The following LRRC4C variants were observed in gnomAD, a reference collection of about 807,000 sequenced individuals.
The protein encoded by LRRC4C is leucine-rich repeat-containing protein 4C.
LRRC4C carries 5 observed loss-of-function variants against 33.6 expected under a neutral mutation model. That is an observed-to-expected ratio of 0.15 (90% CI 0.08 to 0.31). The LOEUF is 0.31. Among genes scored for constraint, LRRC4C ranks in the 10% least tolerant of loss-of-function variants. The pLI, the probability that LRRC4C is intolerant of heterozygous loss-of-function variation, is 1.00. For synonymous variants in LRRC4C, 329 were observed against 302.0 expected (o/e 1.09, Z -0.93); for missense variants, 560 against 796.7 (o/e 0.70, Z 3.58).
At position 40,381,506 on chromosome 11, in the gene LRRC4C, A is replaced by C. The variant is rs116061727; in HGVS notation, c.-269-61785T>G. Among the ~76,000 whole-genome samples, 1,122 of 152,328 alleles carry C rather than the reference A, an allele frequency of 7.4e-3. 13 individuals are homozygous for C. Among genetic ancestry groups the C allele is most frequent in the African/African-American group, 0.026 (1,061 of 41,582 alleles). On this transcript the variant is annotated intron_variant, in intron 3 of 6. Coordinates refer to ENST00000528697, the MANE Select transcript of LRRC4C (RefSeq NM_001258419.2). ...CAAGTACATACTGTCTCTGGTGTTG[A>C]AAATTGGCTGGACAATTTTATGTCC...
At chr11:40,261,470 G>A (rs1941823088) in intron 4 of LRRC4C, among the ~76,000 whole-genome samples, 1 of 152,114 alleles carries the variant, frequency 6.6e-6, no homozygotes, top group African/African-American at 2.4e-5. Flanking sequence ...TTCTTCAGTG[G>A]AGTAGCAAAT....
chr11:41,299,272 G>A (rs763973098), intron 1 of LRRC4C, among the ~76,000 whole-genome samples: 4 of 152,008 alleles, frequency 2.6e-5, no homozygotes, highest in Non-Finnish European at 5.9e-5. Context: ...AGTTATAGCC[G>A]CCAACAGATT....
chr11:40,952,896 A>ACACTCTCT (rs1156767689), intron 1 of LRRC4C, among the ~76,000 whole-genome samples: 3 of 70,162 alleles, frequency 4.3e-5, no homozygotes, highest in African/African-American at 1.5e-4. Context: ...ACACACACAC[A>ACACTCTCT]CTCTCTCTCT....
chr11:40,858,016 A>AAGGGAAGGGAAG, intron 2 of LRRC4C, among the ~76,000 whole-genome samples: 1 of 139,226 alleles, frequency 7.2e-6, no homozygotes, highest in South Asian at 2.5e-4. Context: ...GGACAAGGAA[A>AAGGGAAGGGAAG]GGAAGGGAAG....
intron 1 of LRRC4C, among the ~76,000 whole-genome samples, chr11:41,208,312 C>G (rs1329147265): frequency 6.6e-6 from 1 of 152,132 alleles, no homozygotes; most frequent in Non-Finnish European, 1.5e-5. Context: ...GCTTAGTTTT[C>G]TTTTACTGCT....
intron 3 of LRRC4C, among the ~76,000 whole-genome samples, chr11:40,494,874 T>C (rs1425051805): frequency 6.6e-6 from 1 of 152,230 alleles, no homozygotes; most frequent in Non-Finnish European, 1.5e-5. Context: ...GCAATCAGAC[T>C]GTTTGAATCC....
chr11:41,413,060 C>G (rs12279837), intron 1 of LRRC4C, among the ~76,000 whole-genome samples: 1 of 143,516 alleles, frequency 7.0e-6, no homozygotes, highest in Admixed American at 6.9e-5. Context: ...TCTTTTTTTT[C>G]TTTTTTACTT....
chr11:40,332,241 G>T (rs1448974474), intron 3 of LRRC4C, among the ~76,000 whole-genome samples: 1 of 152,104 alleles, frequency 6.6e-6, no homozygotes, highest in Non-Finnish European at 1.5e-5. Context: ...CTCTCTGAAG[G>T]CTCTATGGCT....
At chr11:40,602,034 C>CAA (rs5791388) in intron 3 of LRRC4C, among the ~76,000 whole-genome samples, 3,047 of 148,676 alleles carry the variant, frequency 0.02, 48 homozygotes, top group South Asian at 0.038. Context: ...ACTAAAAATA[C>CAA]AAAAAAAAAA....
intron 1 of LRRC4C, among the ~76,000 whole-genome samples, chr11:41,050,195 T>C (rs1858099795): frequency 6.6e-6 from 1 of 152,186 alleles, no homozygotes; most frequent in Non-Finnish European, 1.5e-5. Flanking sequence ...TTAATAGTTC[T>C]GTGGCCATGA....
At chr11:40,484,417 T>C (rs1953748967) in intron 3 of LRRC4C, among the ~76,000 whole-genome samples, 1 of 152,014 alleles carries the variant, frequency 6.6e-6, no homozygotes, top group Non-Finnish European at 1.5e-5. Context: ...TACTGCTTTG[T>C]AGTGATCTCC....
intron 2 of LRRC4C, among the ~76,000 whole-genome samples, chr11:40,918,320 C>G (rs1019851584): frequency 6.6e-6 from 1 of 151,956 alleles, no homozygotes; most frequent in East Asian, 1.9e-4. Context: ...TGTGTGTGCA[C>G]CTTTGTGCAT....
chr11:41,301,546 A>G (rs1401126478), intron 1 of LRRC4C, among the ~76,000 whole-genome samples: 1 of 152,202 alleles, frequency 6.6e-6, no homozygotes, highest in Non-Finnish European at 1.5e-5. Context: ...TAATATAACA[A>G]TGGTCTATGC....
At chr11:40,190,118 C>T (rs1861715292) in intron 5 of LRRC4C, among the ~76,000 whole-genome samples, 1 of 152,056 alleles carries the variant, frequency 6.6e-6, no homozygotes. Flanking sequence ...GCTATAAAAC[C>T]CCATGAGGAT....
intron 1 of LRRC4C, among the ~76,000 whole-genome samples, chr11:40,957,906 C>T (rs1056922509): frequency 6.6e-6 from 1 of 151,630 alleles, no homozygotes; most frequent in Non-Finnish European, 1.5e-5. Flanking sequence ...TTGTGAACCT[C>T]CCCCCTTTCC....
intron 2 of LRRC4C, among the ~76,000 whole-genome samples, chr11:40,895,919 C>T (rs1036361122): frequency 2.6e-5 from 4 of 152,038 alleles, no homozygotes; most frequent in South Asian, 4.1e-4. Flanking sequence ...CTTTTGAACC[C>T]GCAAACTGTT....
intron 2 of LRRC4C, among the ~76,000 whole-genome samples, chr11:40,898,801 C>T (rs1247328299): frequency 7.2e-5 from 11 of 151,864 alleles, no homozygotes; most frequent in East Asian, 1.9e-4. Context: ...ACCAACCACT[C>T]GTCCCAATTA....
chr11:40,534,521 T>A (rs2135338201), intron 3 of LRRC4C, among the ~76,000 whole-genome samples: 1 of 152,280 alleles, frequency 6.6e-6, no homozygotes, highest in South Asian at 2.1e-4. Flanking sequence ...GACACTTGCC[T>A]TTCTAAGTAG....
intron 1 of LRRC4C, among the ~76,000 whole-genome samples, chr11:41,157,133 T>C (rs1565434902): frequency 1.3e-5 from 2 of 152,108 alleles, no homozygotes; most frequent in Non-Finnish European, 2.9e-5. Flanking sequence ...CTTCCAGAAC[T>C]GACAGAAGTA....
Sources: allele counts gnomAD v4.1 joint callset (sites outside exome capture counted in the v4.1 genomes callset), GRCh38; gene constraint gnomAD v4.1.1; transcripts MANE v1.5; gene names NCBI Gene and HGNC (gene_info 2026-07-23, HGNC 2026-07-21).